The following ADAM28 variants were observed in gnomAD, a reference collection of about 807,000 sequenced individuals.
ADAM28 encodes the protein ADAM metallopeptidase domain 28.
Under a neutral mutation model 101.2 loss-of-function variants are expected in ADAM28, and 105 were observed. That is an observed-to-expected ratio of 1.04 (90% CI 0.89 to 1.22). The LOEUF is 1.22. Ranked by LOEUF, ADAM28 falls within the 50% of genes most tolerant of loss-of-function variation. ADAM28 has a pLI of 0.00. For synonymous variants in ADAM28, 322 were observed against 310.6 expected (o/e 1.04, Z -0.39); for missense variants, 1,028 against 945.4 (o/e 1.09, Z -1.15).
At chr8:24,318,321 A>AGT (rs1332468498) in intron 6 of ADAM28, among the ~76,000 whole-genome samples, 3 of 151,960 alleles carry the variant, frequency 2.0e-5, no homozygotes, top group Non-Finnish European at 2.9e-5. Context: ...CTACCTCAGG[A>AGT]GTGCTACTCC....
At chr8:24,294,225 T>C (rs745349559) in intron 1 of ADAM28, 30 bp downstream of exon 1, 19 of 1,611,856 alleles carry the variant, frequency 1.2e-5, no homozygotes, top group South Asian at 6.6e-5. Context: ...TCAGGTTCTA[T>C]TGAATGCATT....
At chr8:24,297,430 A>G (rs938541658) in intron 1 of ADAM28, among the ~76,000 whole-genome samples, 11 of 152,200 alleles carry the variant, frequency 7.2e-5, no homozygotes, top group African/African-American at 2.7e-4. Context: ...GGTGCTGAGA[A>G]GGAAACTCAC....
rs1816742132 is a variant in ADAM28, at chr8:24,357,215, C to T, written c.*2811C>T. Reference sequence around the variant, plus strand: ...ATGCAGCTAAATTTTGTCCAGATTACACACCCACAGAAACTGTATGATAAT... The same window carrying T: ...ATGCAGCTAAATTTTGTCCAGATTATACACCCACAGAAACTGTATGATAAT... On this transcript the variant is annotated 3_prime_UTR_variant, in exon 23 of 23. Coordinates refer to ENST00000265769, the MANE Select transcript of ADAM28 (RefSeq NM_014265.6). The T allele has an allele frequency of 6.6e-6, 1 of 152,158 alleles. No individual in the cohort carries two copies. The highest frequency in any genetic ancestry group is 6.5e-5 in the Admixed American group (1 of 15,268). 9.4% of individuals were successfully genotyped at this position (152,158 alleles called of 1,614,324 possible). A position where few individuals can be genotyped will look rare whatever the true frequency, so the allele number is the denominator to read the frequency against.
chr8:24,312,161 A>C (rs1394260881), intron 5 of ADAM28, among the ~76,000 whole-genome samples: 3 of 152,200 alleles, frequency 2.0e-5, no homozygotes, highest in Non-Finnish European at 4.4e-5. Context: ...ATCTATAGTA[A>C]GGTGGCTCTT....
At chr8:24,302,612 G>T (rs1334585377) in intron 2 of ADAM28, among the ~76,000 whole-genome samples, 1 of 152,094 alleles carries the variant, frequency 6.6e-6, no homozygotes, top group Non-Finnish European at 1.5e-5. Flanking sequence ...ATTGTTTCTT[G>T]ACTTTTTAAT....
Position 24,353,285 on chromosome 8 carries a change from G to T in ADAM28, c.2245-485G>T, listed in dbSNP as rs4389948. ...TGTAGGAGGTAGGGTATGAAAAATG[G>T]GCCATATATAAGCAAACCTGGAATA... On this transcript the variant is annotated intron_variant, in intron 21 of 22. Coordinates refer to ENST00000265769, the MANE Select transcript of ADAM28 (RefSeq NM_014265.6). Among the ~76,000 whole-genome samples, 12 of 152,066 alleles carry T rather than the reference G, an allele frequency of 7.9e-5. No individual in the cohort carries two copies. In the East Asian group the frequency reaches 1.9e-3, roughly 24 times the overall value.
intron 21 of ADAM28, 76 bp downstream of exon 21, chr8:24,352,128 C>T (rs1020994392): frequency 1.0e-5 from 13 of 1,238,122 alleles, no homozygotes; most frequent in African/African-American, 1.5e-5. Context: ...TAGCCCACAA[C>T]ACTTCATTAT....
intron 9 of ADAM28, chr8:24,324,901 G>A (rs1308395588): frequency 6.6e-6 from 1 of 151,890 alleles, no homozygotes; most frequent in Non-Finnish European, 1.5e-5. Context: ...AATGCATCAA[G>A]GTTTTTTATG....
At chr8:24,308,500 C>A in intron 2 of ADAM28, 1 of 382,758 alleles carries the variant, frequency 2.6e-6, no homozygotes, top group South Asian at 2.0e-5. Flanking sequence ...AAGCAGATAT[C>A]TGGAAGGCCA....
At chr8:24,338,014 A>C in intron 14 of ADAM28, among the ~76,000 whole-genome samples, 1 of 152,224 alleles carries the variant, frequency 6.6e-6, no homozygotes, top group East Asian at 1.9e-4. Flanking sequence ...GTCACAGAAA[A>C]CATAACCAAA....
intron 2 of ADAM28, among the ~76,000 whole-genome samples, chr8:24,306,393 T>TATATATATATATATATATTTAAAAAA (rs1563270853): frequency 1.1e-4 from 15 of 138,764 alleles, no homozygotes; most frequent in African/African-American, 4.3e-4. Flanking sequence ...TATTTAAAAA[T>TATATATATATATATATATTTAAAAAA]ATATATATAT....
rs779193223 is a variant in ADAM28, at chr8:24,313,376, A to T, written c.384-12A>T. On this transcript the variant is annotated splice_polypyrimidine_tract_variant and intron_variant, in intron 5 of 22. Coordinates refer to ENST00000265769, the MANE Select transcript of ADAM28 (RefSeq NM_014265.6). ...TATTTGTTAAGAAGCCAGAACTCTC[A>T]TGTTTTTTCAGGGGCTACTTCAGTC... 1.3e-6 allele frequency: 2 copies of T among 1,599,030 alleles called. No individual in the cohort carries two copies. Among genetic ancestry groups the T allele is most frequent in the East Asian group, 2.2e-5 (1 of 44,638 alleles).
intron 18 of ADAM28, among the ~76,000 whole-genome samples, chr8:24,346,095 A>G (rs1815370273): frequency 6.6e-6 from 1 of 152,100 alleles, no homozygotes; most frequent in African/African-American, 2.4e-5. Context: ...GACAGACCCT[A>G]GAGGATGACA....
chr8:24,326,780 A>C, intron 10 of ADAM28, 145 bp downstream of exon 10: 1 of 685,504 alleles, frequency 1.5e-6, no homozygotes, highest in Non-Finnish European at 2.3e-6. Flanking sequence ...TGTTGAACTA[A>C]TTTTGCATTC....
intron 13 of ADAM28, among the ~76,000 whole-genome samples, chr8:24,333,222 G>C (rs546480066): frequency 6.6e-6 from 1 of 152,258 alleles, no homozygotes; most frequent in East Asian, 1.9e-4. Context: ...TATGTAGCAT[G>C]AGTAAGGTTA....
At chr8:24,351,863 T>A (rs1255886806) in intron 20 of ADAM28, 124 bp from the exon 21 acceptor site, 6 of 795,790 alleles carry the variant, frequency 7.5e-6, no homozygotes, top group Non-Finnish European at 4.1e-6. Flanking sequence ...ATTTTCTATC[T>A]GGTCTCTTGG....
At position 24,310,077 on chromosome 8, in the gene ADAM28, G is replaced by A. The variant is rs1810245649; in HGVS notation, c.228-86G>A. ...GGCTCACACAAACCTGGACTAATCA[G>A]CGTTTGCTCTCAAATGACTTGAGAA... On this transcript the variant is annotated intron_variant, in intron 3 of 22. Coordinates refer to ENST00000265769, the MANE Select transcript of ADAM28 (RefSeq NM_014265.6). 2.0e-6 allele frequency: 3 copies of A among 1,520,332 alleles called. No individual in the cohort carries two copies. The Admixed American group carries it at 5.1e-5, about 26-fold the overall frequency. 94.2% of individuals were successfully genotyped at this position (1,520,332 alleles called of 1,614,324 possible). A position where few individuals can be genotyped will look rare whatever the true frequency, so the allele number is the denominator to read the frequency against.
intron 18 of ADAM28, among the ~76,000 whole-genome samples, chr8:24,344,516 T>G (rs1439096675): frequency 6.6e-6 from 1 of 152,148 alleles, no homozygotes; most frequent in African/African-American, 2.4e-5. Context: ...CAAATTCAGA[T>G]TGTTAGACTT....
intron 9 of ADAM28, 135 bp downstream of exon 9, chr8:24,324,138 C>A: frequency 1.5e-6 from 1 of 675,720 alleles, no homozygotes; most frequent in Non-Finnish European, 2.2e-6. Flanking sequence ...GTCAAATATG[C>A]TCTTATTTTG....
Sources: allele counts gnomAD v4.1 joint callset (sites outside exome capture counted in the v4.1 genomes callset), GRCh38; gene constraint gnomAD v4.1.1; transcripts MANE v1.5; gene names NCBI Gene and HGNC (gene_info 2026-07-23, HGNC 2026-07-21).